The following EDA variants were observed in gnomAD, a reference collection of about 807,000 sequenced individuals.
EDA encodes the protein ectodysplasin A.
EDA carries 2 observed loss-of-function variants against 23.6 expected under a neutral mutation model. The observed-to-expected ratio is 0.08, with a 90% CI of 0.03 to 0.27. EDA has a LOEUF of 0.27. EDA is among the 10% of genes least tolerant of loss of function. EDA has a pLI of 1.00. For synonymous variants in EDA, 131 were observed against 132.0 expected (o/e 0.99, Z 0.05); for missense variants, 229 against 324.2 (o/e 0.71, Z 2.26).
At chrX:69,666,534 G>A (rs1933690533) in intron 1 of EDA, among the ~76,000 whole-genome samples, 1 of 112,467 alleles carries the variant, frequency 8.9e-6, no homozygotes, top group Non-Finnish European at 1.9e-5. Context: ...TGCTTTTTCT[G>A]CATCAATTGA....
chrX:69,847,868 G>C (rs2017041318), intron 1 of EDA, among the ~76,000 whole-genome samples: 1 of 111,584 alleles, frequency 9.0e-6, no homozygotes, highest in African/African-American at 3.3e-5. Flanking sequence ...CTAGTACTGG[G>C]TCATATGATA....
intron 1 of EDA, chrX:69,670,127 C>G (rs1050894467): frequency 6.6e-6 from 2 of 302,229 alleles, no homozygotes; most frequent in Non-Finnish European, 1.1e-5. Context: ...CTGGGAAAAA[C>G]TGTCTCCTTC....
intron 2 of EDA, among the ~76,000 whole-genome samples, chrX:70,009,766 T>C (rs2019850877): frequency 9.0e-6 from 1 of 111,030 alleles, no homozygotes; most frequent in Non-Finnish European, 1.9e-5. Flanking sequence ...TTTGTATTTT[T>C]AGTAGAGACA....
chrX:69,721,369 C>G (rs762589703), intron 1 of EDA, among the ~76,000 whole-genome samples: 3 of 112,003 alleles, frequency 2.7e-5, no homozygotes, highest in East Asian at 2.8e-4. Context: ...GTTTTCTTTC[C>G]TAACGTGTTT....
chrX:69,977,216 C>A (rs1321176704), intron 2 of EDA, among the ~76,000 whole-genome samples: 1 of 112,068 alleles, frequency 8.9e-6, no homozygotes, highest in Non-Finnish European at 1.9e-5. Context: ...CAGACTTGAA[C>A]TAGGCATTCC....
chrX:69,906,300 C>A (rs1481792664), intron 1 of EDA, among the ~76,000 whole-genome samples: 2 of 112,279 alleles, frequency 1.8e-5, no homozygotes, highest in Non-Finnish European at 3.8e-5. Context: ...TCCTATAGAA[C>A]ACAAAGTTAC....
intron 1 of EDA, among the ~76,000 whole-genome samples, chrX:69,771,399 C>A (rs1350471398): frequency 9.0e-6 from 1 of 111,139 alleles, no homozygotes; most frequent in African/African-American, 3.3e-5. Flanking sequence ...CTTGGATGAA[C>A]CTTGACAACA....
At chrX:69,966,588 A>T (rs1380769778) in intron 2 of EDA, among the ~76,000 whole-genome samples, 2 of 110,159 alleles carry the variant, frequency 1.8e-5, no homozygotes, top group Non-Finnish European at 3.8e-5. Flanking sequence ...AAAAAAAAAA[A>T]AATGAGAATT....
intron 1 of EDA, among the ~76,000 whole-genome samples, chrX:69,699,398 T>C (rs2011469887): frequency 9.0e-6 from 1 of 110,767 alleles, no homozygotes; most frequent in Non-Finnish European, 1.9e-5. Context: ...AGATGGGAGC[T>C]GGTTAGCATG....
At chrX:69,838,566 G>T (rs1328376525) in intron 1 of EDA, among the ~76,000 whole-genome samples, 1 of 112,666 alleles carries the variant, frequency 8.9e-6, no homozygotes, top group East Asian at 2.8e-4. Flanking sequence ...GGCGGTGCTT[G>T]CAGTGAGCCA....
chrX:69,866,188 G>A (rs915383803), intron 1 of EDA, among the ~76,000 whole-genome samples: 2 of 111,293 alleles, frequency 1.8e-5, no homozygotes, highest in African/African-American at 6.5e-5. Flanking sequence ...CCTGGATTGG[G>A]CTGTTGTAGT....
intron 1 of EDA, among the ~76,000 whole-genome samples, chrX:69,621,200 C>G (rs1328352549): frequency 8.9e-6 from 1 of 112,143 alleles, no homozygotes; most frequent in Non-Finnish European, 1.9e-5. Flanking sequence ...TAGAGAAGAT[C>G]TCTTTAAAGT....
chrX:69,698,948 C>T (rs2011451990), intron 1 of EDA, among the ~76,000 whole-genome samples: 1 of 111,209 alleles, frequency 9.0e-6, no homozygotes, highest in East Asian at 2.8e-4. Flanking sequence ...ATGCTTCTAC[C>T]CACCCGGAGA....
chrX:69,887,360 G>A (rs2017845140), intron 1 of EDA, among the ~76,000 whole-genome samples: 2 of 111,355 alleles, frequency 1.8e-5, no homozygotes, highest in Non-Finnish European at 3.8e-5. Flanking sequence ...CATGATCAAA[G>A]TGAGAAGTCT....
chrX:69,962,481 G>C (rs1176193875), intron 2 of EDA, among the ~76,000 whole-genome samples: 2 of 112,030 alleles, frequency 1.8e-5, no homozygotes, highest in Non-Finnish European at 3.8e-5. Context: ...ACGCAGGCTG[G>C]AGTGCAGTGG....
At chrX:69,919,101 T>C in intron 1 of EDA, among the ~76,000 whole-genome samples, 1 of 111,013 alleles carries the variant, frequency 9.0e-6, no homozygotes, top group East Asian at 2.8e-4. Context: ...AAGATATAGA[T>C]TAATTGGAGG....
At chrX:69,938,524 A>G (rs1028443787) in intron 1 of EDA, among the ~76,000 whole-genome samples, 1 of 112,009 alleles carries the variant, frequency 8.9e-6, no homozygotes, top group African/African-American at 3.2e-5. Flanking sequence ...CTGTCAGATG[A>G]GTACTTTGCA....
chrX:69,777,512 A>T (rs1266434130), intron 1 of EDA, among the ~76,000 whole-genome samples: 1 of 111,381 alleles, frequency 9.0e-6, no homozygotes. Flanking sequence ...ATAAAAGACT[A>T]TCTAAGATCC....
chrX:69,628,103 A>G (rs1167101360), intron 1 of EDA, among the ~76,000 whole-genome samples: 3 of 111,855 alleles, frequency 2.7e-5, no homozygotes, highest in Non-Finnish European at 5.6e-5. Context: ...AATGAAATTG[A>G]TTTTCAAAAA....
Sources: gnomAD v4.1 joint callset for allele counts (sites outside exome capture counted in the v4.1 genomes callset) on GRCh38, gnomAD v4.1.1 for gene constraint, MANE v1.5 for transcripts, NCBI Gene and HGNC (gene_info 2026-07-23, HGNC 2026-07-21) for gene names.